USP19: variants seen among roughly 807,000 people sequenced by gnomAD.
The protein encoded by USP19 is ubiquitin carboxyl-terminal hydrolase 19.
USP19 carries 40 observed loss-of-function variants against 144.8 expected under a neutral mutation model. The observed-to-expected ratio is 0.28, with a 90% CI of 0.21 to 0.36. The LOEUF is 0.36. Ranked by LOEUF, USP19 falls within the 10% of genes least tolerant of loss-of-function variation. USP19 has a pLI of 1.00. For missense variants in USP19, 1,518 were observed against 1,822.5 expected (o/e 0.83, Z 3.04); for synonymous variants, 701 against 709.3 (o/e 0.99, Z 0.19).
rs1485602343 is a variant in USP19, at chr3:49,111,321, G to A, written c.3262C>T (p.His1088Tyr). 1 of 1,614,186 alleles carries A rather than the reference G, an allele frequency of 6.2e-7. No homozygotes were observed. The highest frequency in any genetic ancestry group is 2.2e-5 in the East Asian group (1 of 44,876). Residue 1088 changes from histidine (H) to tyrosine (Y), a missense_variant, in exon 22 of 27, where the codon CAC becomes TAC. Transcript: ENST00000417901. The surrounding 1 kb of genome is among the most constrained non-coding windows in gnomAD (Gnocchi z 5.9). ...TTATAGATGAAGAACTGGGGTGTGTGGGCATTCATAGCTTCACTTGGATGC... is the reference window on the plus strand; with the variant it reads ...TTATAGATGAAGAACTGGGGTGTGTAGGCATTCATAGCTTCACTTGGATGC... Reference protein sequence around the residue: ...YQHPSEAMNAHTPQFFIYKID... With the variant: ...YQHPSEAMNAYTPQFFIYKID...
Position 49,116,118 on chromosome 3 carries a change from G to T in USP19, c.1400C>A (p.Ser467Tyr). 6.2e-7 allele frequency: 1 copy of T among 1,613,344 alleles called. No homozygotes were observed. The highest frequency in any genetic ancestry group is 1.1e-5 in the South Asian group (1 of 91,018). ...PEQCTFCFTA[S>Y]RIDICLRKRQ... ...CTTACGAAGGCAGATGTCGATGCGA[G>T]AAGCCGTGAAACAGAAGGTGCACTG... is the stretch of plus-strand genomic sequence containing the variant. The change falls in exon 10 of 27, where the codon TCT becomes TAT. Residue 467 changes from serine (S) to tyrosine (Y), a missense_variant. Ser to Tyr is a moderately radical substitution (Grantham distance 144). Transcript: ENST00000417901. This position sits in a 1 kb window ranked among gnomAD's most constrained non-coding sequence, Gnocchi z 5.0.
chr3:49,119,134 C>T lies in USP19; in HGVS notation c.12G>A (p.Gly4=), dbSNP rs1463178709. Residue 4 remains glycine (G), a synonymous_variant, in exon 2 of 27, where the codon GGG becomes GGA. Transcript: ENST00000417901. MSG[G]ASATGPRRGP... ...CTCTCCTTGGGCCTGTGGCACTGGC[C>T]CCGCCAGACATCTTGAGCCGCTTGG... The T allele has an allele frequency of 1.2e-6, 2 of 1,612,764 alleles. No homozygotes were observed. Among genetic ancestry groups the T allele is most frequent in the Non-Finnish European group, 1.7e-6 (2 of 1,179,690 alleles).
chr3:49,112,715 C>A lies in USP19; in HGVS notation c.2506-86G>T. 2 of 1,532,880 alleles carry A rather than the reference C, an allele frequency of 1.3e-6. No individual in the cohort carries two copies. Among genetic ancestry groups the A allele is most frequent in the South Asian group, 1.3e-5 (1 of 78,852 alleles). 95.0% of individuals were successfully genotyped at this position (1,532,880 alleles called of 1,614,324 possible). ...AGAGTTTAAGAAGGCTTGGCCCTGC[C>A]TTGGGTCTATGTGGGCAGTGGTGAG... is the stretch of plus-strand genomic sequence containing the variant. On this transcript the variant is annotated intron_variant, in intron 17 of 26. Transcript: ENST00000417901. The surrounding 1 kb of genome is among the most constrained non-coding windows in gnomAD (Gnocchi z 4.9).
Position 49,111,281 on chromosome 3 carries a change from T to A in USP19, c.3302A>T (p.Asn1101Ile). ...QFFIYKIDSS[N>I]REQRLEDKGD... ...TTTGTCCTCTAGCCGCTGCTCTCGG[T>A]TGGATGAATCAATTTTATAGATGAA... Residue 1101 changes from asparagine to isoleucine, a missense_variant, in exon 22 of 27, where the codon AAC (asparagine) becomes ATC (isoleucine). Around this residue, in one of 5 missense-constraint regions of USP19, gnomAD observed 413 missense variants for 515.8 expected, o/e 0.80. Coordinates refer to ENST00000417901, the MANE Select transcript of USP19 (RefSeq NM_001199161.2). This position sits in a 1 kb window ranked among gnomAD's most constrained non-coding sequence, Gnocchi z 5.9. 6.2e-7 allele frequency: 1 copy of A among 1,614,110 alleles called. No individual in the cohort carries two copies. Among genetic ancestry groups the A allele is most frequent in the South Asian group, 1.1e-5 (1 of 91,078 alleles).
Position 49,115,288 on chromosome 3 carries a change from G to A in USP19, c.1962C>T (p.Ala654=), listed in dbSNP as rs374545619. 6.8e-5 allele frequency: 109 copies of A among 1,614,144 alleles called. No individual in the cohort carries two copies. The South Asian group carries it at 8.6e-4, about 13-fold the overall frequency. ...GTGGRLAIGF[A]VLLRALWKGT... is the part of the protein sequence containing the mutation. The stretch of plus-strand genomic sequence containing the variant: ...CCTTCCACAGCGCCCGAAGCAGCAC[G>A]GCAAAGCCAATGGCCAGACGCCCAC... The change falls in exon 13 of 27, where the codon GCC becomes GCT. Residue 654 remains alanine (A), a synonymous_variant. Coordinates refer to ENST00000417901, the MANE Select transcript of USP19 (RefSeq NM_001199161.2). This position sits in a 1 kb window ranked among gnomAD's most constrained non-coding sequence, Gnocchi z 6.6.
chr3:49,109,218 G>A (rs547689868), intron 26 of USP19: 65 of 1,452,876 alleles, frequency 4.5e-5, no homozygotes, highest in African/African-American at 1.0e-4. Context: ...TCAGCACCCC[G>A]GGGGTGGGGA....
In USP19 at chr3:49,114,400, A is replaced by C. The variant is rs2043731686; in HGVS notation, c.2293-116T>G. On this transcript the variant is annotated intron_variant, in intron 15 of 26. Transcript: ENST00000417901. This position sits in a 1 kb window ranked among gnomAD's most constrained non-coding sequence, Gnocchi z 4.5. ...GCTCTCAGGGCCCCCACAGCCAACC[A>C]GCAAACTCTCAGGCTTCAGGACACT... 1 of 926,316 alleles carries C rather than the reference A, an allele frequency of 1.1e-6. No homozygotes were observed. 57.4% of individuals were successfully genotyped at this position (926,316 alleles called of 1,614,324 possible). A position where few individuals can be genotyped will look rare whatever the true frequency, so the allele number is the denominator to read the frequency against.
Position 49,114,136 on chromosome 3 carries a change from C to A in USP19, c.2403+38G>T. Reference sequence around the variant, plus strand: ...GTCAGTGAGGGAGGTGGGCCACGTTCTCTAGAACAGCCCAGAGGGTAGGGG... The same window carrying A: ...GTCAGTGAGGGAGGTGGGCCACGTTATCTAGAACAGCCCAGAGGGTAGGGG... On this transcript the variant is annotated intron_variant, in intron 16 of 26. Transcript: ENST00000417901. This position sits in a 1 kb window ranked among gnomAD's most constrained non-coding sequence, Gnocchi z 4.5. The A allele has an allele frequency of 6.2e-7, 1 of 1,614,142 alleles. No individual in the cohort carries two copies. The highest frequency in any genetic ancestry group is 8.5e-7 in the Non-Finnish European group (1 of 1,179,980).
In USP19 at chr3:49,117,670, C is replaced by T; in HGVS notation, c.459G>A (p.Val153=). 1 of 1,614,192 alleles carries T rather than the reference C, an allele frequency of 6.2e-7. No individual in the cohort carries two copies. Among genetic ancestry groups the T allele is most frequent in the Non-Finnish European group, 8.5e-7 (1 of 1,180,032 alleles). Residue 153 remains valine, a synonymous_variant, in exon 4 of 27, where the codon GTG becomes GTA. Transcript: ENST00000417901. This position sits in a 1 kb window ranked among gnomAD's most constrained non-coding sequence, Gnocchi z 4.4. ...AGATGGACACACCTGCAAACCGCAC[C>T]ACACAGTCTGTATCTGTGAAAGCAG... ...VDAAFTDTDC[V]VRFAGGQQWG...
chr3:49,118,265 TTA>T, intron 2 of USP19, 145 bp from the exon 3 acceptor site: 10 of 366,132 alleles, frequency 2.7e-5, no homozygotes, highest in South Asian at 1.3e-4. Context: ...GACCCTGCCT[TTA>T]AAAAAAAAAA....
intron 17 of USP19, among the ~76,000 whole-genome samples, chr3:49,113,149 C>T (rs1346646006): frequency 6.6e-6 from 1 of 152,194 alleles, no homozygotes; most frequent in Non-Finnish European, 1.5e-5. Context: ...GGATCCACCA[C>T]CACAAAGGGG....
At position 49,111,310 on chromosome 3, in the gene USP19, C is replaced by A. The variant is rs1213068036; in HGVS notation, c.3273G>T (p.Gln1091His). ...PSEAMNAHTP[Q>H]FFIYKIDSSN... Reference sequence around the variant, plus strand: ...ATGAATCAATTTTATAGATGAAGAACTGGGGTGTGTGGGCATTCATAGCTT... The same window carrying A: ...ATGAATCAATTTTATAGATGAAGAAATGGGGTGTGTGGGCATTCATAGCTT... The change falls in exon 22 of 27, where the codon CAG (glutamine) becomes CAT (histidine). Residue 1091 changes from glutamine (Q) to histidine (H), a missense_variant. Around this residue, in one of 5 missense-constraint regions of USP19, gnomAD observed 413 missense variants for 515.8 expected, o/e 0.80. Coordinates refer to ENST00000417901, the MANE Select transcript of USP19 (RefSeq NM_001199161.2). The surrounding 1 kb of genome is among the most constrained non-coding windows in gnomAD (Gnocchi z 5.9). 3 of 1,614,224 alleles carry A rather than the reference C, an allele frequency of 1.9e-6. No individual in the cohort carries two copies. Among genetic ancestry groups the A allele is most frequent in the African/African-American group, 1.3e-5 (1 of 75,056 alleles).
rs776028196 is a variant in USP19, at chr3:49,115,993, G to A, written c.1472-49C>T. On this transcript the variant is annotated intron_variant, in intron 10 of 26. Coordinates refer to ENST00000417901, the MANE Select transcript of USP19 (RefSeq NM_001199161.2). The surrounding 1 kb of genome is among the most constrained non-coding windows in gnomAD (Gnocchi z 6.6). ...CTGGTGGTTAGCAGCATGTGACAGG[G>A]GTTTGGGTCCTGGTCACGTGGAACT... is the stretch of plus-strand genomic sequence containing the variant. 2.5e-6 allele frequency: 4 copies of A among 1,570,464 alleles called. No individual in the cohort carries two copies. The highest frequency in any genetic ancestry group is 3.4e-6 in the Non-Finnish European group (4 of 1,161,254).
Position 49,116,800 on chromosome 3 carries a change from G to A in USP19, c.1053C>T (p.Ser351=), listed in dbSNP as rs1323137055. The part of the protein sequence containing the change: ...NDPVSPAMVR[S]RNPGKDDCAK... ...CACAGTCATCTTTCCCAGGGTTTCT[G>A]CTCCGGACCATGGCTGGAGAGACTG... Residue 351 remains serine (S), a synonymous_variant, in exon 7 of 27, where the codon AGC becomes AGT. Coordinates refer to ENST00000417901, the MANE Select transcript of USP19 (RefSeq NM_001199161.2). The surrounding 1 kb of genome is among the most constrained non-coding windows in gnomAD (Gnocchi z 5.0). 6.2e-7 allele frequency: 1 copy of A among 1,613,812 alleles called. No homozygotes were observed. Among genetic ancestry groups the A allele is most frequent in the Non-Finnish European group, 8.5e-7 (1 of 1,179,990 alleles).
intron 26 of USP19, among the ~76,000 whole-genome samples, chr3:49,109,598 G>A (rs901875381): frequency 6.6e-6 from 1 of 152,234 alleles, no homozygotes; most frequent in Non-Finnish European, 1.5e-5. Context: ...AAGCTTGACA[G>A]AGAAGGCTCA....
rs1392189910 is a variant in USP19 at position 49,112,184 on chromosome 3, G to A, written c.2765+100C>T. 2 of 1,541,280 alleles carry A rather than the reference G, an allele frequency of 1.3e-6. No individual in the cohort carries two copies. Among genetic ancestry groups the A allele is most frequent in the Admixed American group, 3.9e-5 (2 of 50,868 alleles). ...AGAGCCTGGTAAAGTAGGGTGGCAAGTAGAAAGCTTAAGCATATGTGCCTT... is the reference window on the plus strand; with the variant it reads ...AGAGCCTGGTAAAGTAGGGTGGCAAATAGAAAGCTTAAGCATATGTGCCTT... On this transcript the variant is annotated intron_variant, in intron 19 of 26. Transcript: ENST00000417901. The surrounding 1 kb of genome is among the most constrained non-coding windows in gnomAD (Gnocchi z 4.9).
rs751053094 is a variant in USP19, at chr3:49,111,361, A to T, written c.3222T>A (p.Ala1074=). 17 of 1,614,074 alleles carry T rather than the reference A, an allele frequency of 1.1e-5. No individual in the cohort carries two copies. The highest frequency in any genetic ancestry group is 1.4e-5 in the Non-Finnish European group (17 of 1,180,054). Residue 1074 remains alanine, a synonymous_variant, in exon 22 of 27, where the codon GCT becomes GCA. Coordinates refer to ENST00000417901, the MANE Select transcript of USP19 (RefSeq NM_001199161.2). The surrounding 1 kb of genome is among the most constrained non-coding windows in gnomAD (Gnocchi z 5.9). ...CACTTGGATGCTGGTACCCAGGCAC[A>T]GCAGCTGTGTGAGAACATGATAATC... is the stretch of plus-strand genomic sequence containing the variant. The part of the protein sequence containing the change: ...AGERVSRPEA[A]VPGYQHPSEA...
chr3:49,111,229 T>C lies in USP19; in HGVS notation c.3328+26A>G. ...AGAACAGCCAGCTCAACCCACCCCA[T>C]GGCTCCCACCCACAGCCTCAGACAC... On this transcript the variant is annotated intron_variant, in intron 22 of 26. Transcript: ENST00000417901. The surrounding 1 kb of genome is among the most constrained non-coding windows in gnomAD (Gnocchi z 5.9). 5.0e-6 allele frequency: 8 copies of C among 1,613,234 alleles called. No individual in the cohort carries two copies. Among genetic ancestry groups the C allele is most frequent in the Non-Finnish European group, 6.8e-6 (8 of 1,179,322 alleles).
At position 49,111,969 on chromosome 3, in the gene USP19, C is replaced by G. The variant is rs375525408; in HGVS notation, c.2845G>C (p.Val949Leu). The G allele has an allele frequency of 1.1e-5, 17 of 1,613,962 alleles. No individual in the cohort carries two copies. The highest frequency in any genetic ancestry group is 1.4e-5 in the Non-Finnish European group (17 of 1,180,032). Residue 949 changes from valine (V) to leucine (L), a missense_variant, in exon 20 of 27, where the codon GTA becomes CTA. Physicochemically the swap from Val to Leu is conservative, Grantham distance 32. This residue lies in a region of USP19 where 413 missense variants were observed against 515.8 expected (regional missense o/e 0.80). Transcript: ENST00000417901. This position sits in a 1 kb window ranked among gnomAD's most constrained non-coding sequence, Gnocchi z 5.9. The part of the protein sequence containing the change: ...ENIGYPFLVS[V>L]PASRLTYARL... ...GCATAAGTGAGGCGTGAGGCAGGTA[C>G]ACTGACCAGGAAGGGGTAGCCAATG... is the stretch of plus-strand genomic sequence containing the variant.
Sources: allele counts gnomAD v4.1 joint callset (sites outside exome capture counted in the v4.1 genomes callset), GRCh38; gene constraint gnomAD v4.1.1; regional missense constraint gnomAD v4.1.1; non-coding constraint Gnocchi (gnomAD v3.1); transcripts MANE v1.5; gene names NCBI Gene and HGNC (gene_info 2026-07-23, HGNC 2026-07-21).